GRM3: variants seen among roughly 807,000 people sequenced by gnomAD.
GRM3 encodes the protein glutamate metabotropic receptor 3, also known as metabotropic glutamate receptor 3.
Under a neutral mutation model 70.5 loss-of-function variants are expected in GRM3, and 26 were observed. The observed-to-expected ratio is 0.37, with a 90% confidence interval of 0.27 to 0.51. The LOEUF is 0.51. Ranked by LOEUF, GRM3 falls within the 20% of genes least tolerant of loss-of-function variation. The pLI, the probability that GRM3 is intolerant of heterozygous loss-of-function variation, is 0.93. For synonymous variants in GRM3, 443 were observed against 434.9 expected (o/e 1.02, Z -0.23); for missense variants, 859 against 1,123.8 (o/e 0.76, Z 3.37).
At chr7:86,832,884 G>A (rs148280854) in intron 3 of GRM3, 6 of 242,694 alleles carry the variant, frequency 2.5e-5, no homozygotes, top group African/African-American at 4.6e-5. Flanking sequence ...AGCCACATCC[G>A]ACTCCTTCTG....
intron 1 of GRM3, among the ~76,000 whole-genome samples, chr7:86,729,850 G>A (rs1387326071): frequency 1.3e-5 from 2 of 152,194 alleles, no homozygotes; most frequent in African/African-American, 4.8e-5. Flanking sequence ...GCTCATGCCT[G>A]TAATTCCAGC....
intron 1 of GRM3, among the ~76,000 whole-genome samples, chr7:86,718,041 A>G (rs1048712000): frequency 3.9e-5 from 6 of 151,926 alleles, no homozygotes; most frequent in African/African-American, 1.4e-4. Context: ...CAGAAATCCT[A>G]CAAGTGTGAA....
chr7:86,815,655 T>C (rs1386198177), intron 3 of GRM3, among the ~76,000 whole-genome samples: 2 of 151,872 alleles, frequency 1.3e-5, no homozygotes, highest in East Asian at 3.9e-4. Context: ...CCCTTATAGA[T>C]TAAGTGAACA....
At chr7:86,744,739 G>A (rs1015057154) in intron 1 of GRM3, among the ~76,000 whole-genome samples, 1 of 152,102 alleles carries the variant, frequency 6.6e-6, no homozygotes, top group Non-Finnish European at 1.5e-5. Flanking sequence ...CAAAAATAGT[G>A]TTAAGAAACT....
At position 86,841,291 on chromosome 7, in the gene GRM3, G is replaced by A. The variant is rs562117252; in HGVS notation, c.2391+1386G>A. 2.6e-5 allele frequency among the ~76,000 whole-genome samples: 4 copies of A among 152,194 alleles called. No individual in the cohort carries two copies. In the South Asian group the frequency reaches 8.3e-4, roughly 32 times the overall value. ...ACTGAAACCTATGGGCTACATTAAG[G>A]GATGAACAATAAAGATGAAGAAGGT... On this transcript the variant is annotated intron_variant, in intron 4 of 5. Coordinates refer to ENST00000361669, the MANE Select transcript of GRM3 (RefSeq NM_000840.3).
intron 4 of GRM3, among the ~76,000 whole-genome samples, chr7:86,849,370 C>T (rs755662752): frequency 1.3e-5 from 2 of 152,076 alleles, no homozygotes; most frequent in Non-Finnish European, 2.9e-5. Flanking sequence ...ATGGATTATG[C>T]TTTCAGGATT....
chr7:86,647,494 C>T (rs1001783842), intron 1 of GRM3, among the ~76,000 whole-genome samples: 2 of 152,154 alleles, frequency 1.3e-5, no homozygotes, highest in African/African-American at 2.4e-5. Context: ...CAGTTACGCA[C>T]ACTGGAATGT....
At chr7:86,668,763 T>G (rs565113610) in intron 1 of GRM3, among the ~76,000 whole-genome samples, 3 of 152,272 alleles carry the variant, frequency 2.0e-5, no homozygotes, top group Admixed American at 2.0e-4. Flanking sequence ...ATGCATAGAC[T>G]GTCTACCCAA....
chr7:86,775,656 C>T (rs994372707), intron 2 of GRM3, among the ~76,000 whole-genome samples: 13 of 152,076 alleles, frequency 8.5e-5, no homozygotes, highest in Non-Finnish European at 1.6e-4. Context: ...GGTCTCACCA[C>T]CATCCCTCTA....
intron 3 of GRM3, 124 bp downstream of exon 3, chr7:86,787,240 A>T: frequency 1.3e-6 from 1 of 783,372 alleles, no homozygotes; most frequent in East Asian, 2.5e-5. Flanking sequence ...TCAAACTGTT[A>T]ACCAAATATT....
chr7:86,697,459 G>C (rs1379115310), intron 1 of GRM3, among the ~76,000 whole-genome samples: 4 of 152,046 alleles, frequency 2.6e-5, no homozygotes, highest in Non-Finnish European at 5.9e-5. Flanking sequence ...GTTCAGACCT[G>C]GTTTGTCGGA....
chr7:86,651,275 G>A (rs990284175), intron 1 of GRM3, among the ~76,000 whole-genome samples: 5 of 152,300 alleles, frequency 3.3e-5, no homozygotes, highest in African/African-American at 1.2e-4. Flanking sequence ...ATATGTGCTA[G>A]AGTAATTAAT....
chr7:86,820,152 T>G (rs1283059430), intron 3 of GRM3, among the ~76,000 whole-genome samples: 1 of 152,192 alleles, frequency 6.6e-6, no homozygotes, highest in East Asian at 1.9e-4. Context: ...GCTTTTGATG[T>G]AGAGAAGGCA....
At chr7:86,732,588 A>C (rs1795759877) in intron 1 of GRM3, among the ~76,000 whole-genome samples, 1 of 152,216 alleles carries the variant, frequency 6.6e-6, no homozygotes, top group African/African-American at 2.4e-5. Flanking sequence ...TGTGGCAGGC[A>C]ATGTTCCAAG....
intron 2 of GRM3, among the ~76,000 whole-genome samples, chr7:86,780,299 C>A (rs575583624): frequency 3.6e-4 from 55 of 152,248 alleles, no homozygotes; most frequent in African/African-American, 1.2e-3. Flanking sequence ...GCATATGTAA[C>A]AAACTTGCAC....
chr7:86,822,717 C>G (rs1206063965), intron 3 of GRM3, among the ~76,000 whole-genome samples: 3 of 151,858 alleles, frequency 2.0e-5, no homozygotes, highest in Non-Finnish European at 4.4e-5. Context: ...CATGATACAC[C>G]AATATAGTAC....
chr7:86,750,113 TA>T (rs1287567370), intron 1 of GRM3, among the ~76,000 whole-genome samples: 1 of 152,098 alleles, frequency 6.6e-6, no homozygotes, highest in African/African-American at 2.4e-5. Context: ...AGGTTTGTCG[TA>T]AAGTGATAAA....
Position 86,765,226 on chromosome 7 carries a change from C to A in GRM3, c.81C>A (p.Asn27Lys). Reference protein sequence around the residue: ...KGFLLSLGDHNFLRREIKIEG... With the variant: ...KGFLLSLGDHKFLRREIKIEG... ...TTTTACTCTCTTTAGGGGACCATAA[C>A]TTTCTAAGGAGAGAGATTAAAATAG... Residue 27 changes from asparagine to lysine, a missense_variant, in exon 2 of 6, where the codon AAC becomes AAA. Asn to Lys is a moderately conservative substitution (Grantham distance 94). Transcript: ENST00000361669. 5.6e-6 allele frequency: 9 copies of A among 1,613,448 alleles called. No homozygotes were observed. Among genetic ancestry groups the A allele is most frequent in the Non-Finnish European group, 7.6e-6 (9 of 1,179,750 alleles).
chr7:86,829,982 T>C (rs934467808), intron 3 of GRM3, among the ~76,000 whole-genome samples: 6 of 152,226 alleles, frequency 3.9e-5, no homozygotes, highest in Non-Finnish European at 8.8e-5. Context: ...GCTATGCTTA[T>C]ATATGTATAT....
Sources: allele counts gnomAD v4.1 joint callset (sites outside exome capture counted in the v4.1 genomes callset), GRCh38; gene constraint gnomAD v4.1.1; transcripts MANE v1.5; gene names NCBI Gene and HGNC (gene_info 2026-07-23, HGNC 2026-07-21).